The following FYB1 variants were observed in gnomAD, a reference collection of about 807,000 sequenced individuals.
FYB1 encodes the protein FYN-binding protein 1.
Under a neutral mutation model 94.1 loss-of-function variants are expected in FYB1, and 41 were observed. The ratio of observed to expected loss-of-function variants is 0.44; its 90% CI spans 0.34 to 0.57. The LOEUF is 0.57. FYB1 is among the 20% of genes least tolerant of loss of function. FYB1 has a pLI of 0.02. For missense variants in FYB1, 1,050 were observed against 976.8 expected (o/e 1.07, Z -1.00); for synonymous variants, 367 against 353.2 (o/e 1.04, Z -0.44).
chr5:39,147,553 T>G (rs897275757), intron 3 of FYB1, among the ~76,000 whole-genome samples: 2 of 151,666 alleles, frequency 1.3e-5, no homozygotes, highest in African/African-American at 2.4e-5. Context: ...ATTTTCAAAG[T>G]TATTTAGGAT....
rs1749717208 is a variant in FYB1 at position 39,214,868 on chromosome 5, G to C, written c.-28+4575C>G. Among the ~76,000 whole-genome samples the C allele has an allele frequency of 2.0e-5, 3 of 152,220 alleles. 1 individual carries two copies. The South Asian group carries it at 6.2e-4, about 32-fold the overall frequency. ...CACCTGAACCTGGGAGGCGGAGGTT[G>C]CAGTGAGCCAAGATCGCACCACTGC... On this transcript the variant is annotated intron_variant, in intron 1 of 18. Transcript: ENST00000512982.
rs1740627284 is a variant in FYB1, at chr5:39,125,998, G to A, written c.2045C>T (p.Ser682Phe). 1.2e-6 allele frequency: 2 copies of A among 1,612,788 alleles called. No individual in the cohort carries two copies. Among genetic ancestry groups the A allele is most frequent in the Non-Finnish European group, 1.7e-6 (2 of 1,179,356 alleles). ...VSDSDNNEGS[S>F]FPAPPKQLDM... ...CTGGATTTGGTTGGTTGACTCTTAC[G>A]ATGAACCTTCATTATTGTCTGAGTC... The change falls in exon 12 of 19, where the codon TCT becomes TTT. Residue 682 changes from serine to phenylalanine, a missense_variant and splice_region_variant. Transcript: ENST00000512982.
At chr5:39,113,381 A>C (rs1580293505) in intron 16 of FYB1, among the ~76,000 whole-genome samples, 1 of 152,276 alleles carries the variant, frequency 6.6e-6, no homozygotes, top group East Asian at 1.9e-4. Flanking sequence ...TCTCACATAC[A>C]ATATGAAATT....
chr5:39,226,572 C>T (rs2150563368), intron 1 of FYB1, among the ~76,000 whole-genome samples: 1 of 152,218 alleles, frequency 6.6e-6, no homozygotes, highest in East Asian at 1.9e-4. Flanking sequence ...AGAATTTCAC[C>T]TCCTCCATCA....
chr5:39,229,911 T>C (rs1435516568), intron 1 of FYB1, among the ~76,000 whole-genome samples: 2 of 152,172 alleles, frequency 1.3e-5, no homozygotes, highest in Non-Finnish European at 2.9e-5. Context: ...CCCGTGTGGT[T>C]CAATTAAATC....
rs560125347 is a variant in FYB1, at chr5:39,232,731, C to A, written c.-27-29744G>T. Among the ~76,000 whole-genome samples, 308 of 146,662 alleles carry A rather than the reference C, an allele frequency of 2.1e-3. 1 individual carries two copies. Among genetic ancestry groups the A allele is most frequent in the African/African-American group, 7.5e-3 (294 of 39,214 alleles). On this transcript the variant is annotated intron_variant, in intron 1 of 1. Transcript: ENST00000510188. ...AACCCTCCCCCCTCCCCCCAACCCACAACAGTCCCCAGAGTGTGATATTCC... is the reference window on the plus strand; with the variant it reads ...AACCCTCCCCCCTCCCCCCAACCCAAAACAGTCCCCAGAGTGTGATATTCC...
intron 11 of FYB1, 106 bp downstream of exon 11, chr5:39,127,635 G>T: frequency 1.6e-6 from 2 of 1,248,514 alleles, no homozygotes; most frequent in African/African-American, 1.6e-5. Context: ...TTGGGGTAAT[G>T]TGAGAAAGAA....
At chr5:39,223,276 T>A (rs1474988598), upstream of FYB1, among the ~76,000 whole-genome samples, 1 of 152,176 alleles carries the variant, frequency 6.6e-6, no homozygotes, top group Non-Finnish European at 1.5e-5. Flanking sequence ...TAGTAGTATT[T>A]TCCCCTATCA....
At chr5:39,109,634 A>G (rs1738868970) in intron 17 of FYB1, among the ~76,000 whole-genome samples, 2 of 152,074 alleles carry the variant, frequency 1.3e-5, no homozygotes, top group Non-Finnish European at 2.9e-5. Context: ...ATGGGTACAC[A>G]GTTTGTGACT....
At position 39,105,985 on chromosome 5, in the gene FYB1, T is replaced by C. The variant is rs1390261449; in HGVS notation, c.*1458A>G. 2.0e-5 allele frequency: 3 copies of C among 152,204 alleles called. No individual in the cohort carries two copies. Among genetic ancestry groups the C allele is most frequent in the Non-Finnish European group, 4.4e-5 (3 of 68,024 alleles). 9.4% of individuals were successfully genotyped at this position (152,204 alleles called of 1,614,324 possible). A position where few individuals can be genotyped will look rare whatever the true frequency, so the allele number is the denominator to read the frequency against. ...AAGATTTTCAGTTCCTTTACAGTTA[T>C]TTGAAATTATTTCAATTCTGTGGAG... On this transcript the variant is annotated 3_prime_UTR_variant, in exon 19 of 19. Transcript: ENST00000512982.
chr5:39,252,426 A>AT (rs200869691), intron 1 of FYB1, among the ~76,000 whole-genome samples: 162 of 152,316 alleles, frequency 1.1e-3, no homozygotes, highest in African/African-American at 3.8e-3. Flanking sequence ...TGGCTGTGGA[A>AT]TTTTTTAAAA....
intron 3 of FYB1, among the ~76,000 whole-genome samples, chr5:39,146,742 G>A (rs1407058440): frequency 6.6e-6 from 1 of 152,096 alleles, no homozygotes; most frequent in African/African-American, 2.4e-5. Flanking sequence ...GACAATGTTT[G>A]CCTGCACACA....
intron 1 of FYB1, among the ~76,000 whole-genome samples, chr5:39,262,237 T>C (rs915052488): frequency 4.6e-5 from 7 of 152,090 alleles, no homozygotes; most frequent in Non-Finnish European, 8.8e-5. Flanking sequence ...GAGCAAAATT[T>C]GCAATGCTTG....
At chr5:39,135,829 T>C (rs547211907) in intron 7 of FYB1, among the ~76,000 whole-genome samples, 45 of 151,428 alleles carry the variant, frequency 3.0e-4, no homozygotes, top group East Asian at 1.5e-3. Context: ...ATTTATTTAA[T>C]TTTTTTTACC....
chr5:39,108,092 T>C, intron 18 of FYB1, 139 bp downstream of exon 18: 1 of 780,026 alleles, frequency 1.3e-6, no homozygotes, highest in East Asian at 3.2e-5. Flanking sequence ...TGCCAGGGCA[T>C]TTACCTTTTC....
chr5:39,266,448 A>T (rs1274120045), intron 1 of FYB1, among the ~76,000 whole-genome samples: 1 of 152,172 alleles, frequency 6.6e-6, no homozygotes, highest in African/African-American at 2.4e-5. Flanking sequence ...TAAATATCTA[A>T]TGTATCTATC....
At chr5:39,160,672 A>G (rs1744164112) in intron 2 of FYB1, among the ~76,000 whole-genome samples, 2 of 152,220 alleles carry the variant, frequency 1.3e-5, no homozygotes, top group Admixed American at 1.3e-4. Flanking sequence ...TTTAGATTCT[A>G]TGCCTATTAA....
intron 1 of FYB1, among the ~76,000 whole-genome samples, chr5:39,225,212 A>T (rs558808268): frequency 4.6e-5 from 7 of 152,014 alleles, no homozygotes; most frequent in Non-Finnish European, 1.0e-4. Context: ...TTATTAATGA[A>T]CCCATATATA....
chr5:39,226,001 T>A (rs544573875), intron 1 of FYB1, among the ~76,000 whole-genome samples: 8 of 152,262 alleles, frequency 5.3e-5, no homozygotes, highest in African/African-American at 1.7e-4. Flanking sequence ...GCTGCAGGCC[T>A]CTCATGGGTC....
Sources: allele counts gnomAD v4.1 joint callset (sites outside exome capture counted in the v4.1 genomes callset), GRCh38; gene constraint gnomAD v4.1.1; transcripts MANE v1.5; gene names NCBI Gene and HGNC (gene_info 2026-07-23, HGNC 2026-07-21).